The following TET3 variants were observed in gnomAD, a reference collection of about 807,000 sequenced individuals.
TET3 encodes methylcytosine dioxygenase TET3.
In TET3, 19 loss-of-function variants were observed where a neutral mutation model predicts 141.4. The observed-to-expected ratio is 0.13, with a 90% confidence interval of 0.09 to 0.20. The LOEUF is 0.20. Among genes scored for constraint, TET3 ranks in the 10% least tolerant of loss-of-function variants. The pLI, the probability that TET3 is intolerant of heterozygous loss-of-function variation, is 1.00. For missense variants in TET3, 1,874 were observed against 2,356.9 expected (o/e 0.80, Z 4.24); for synonymous variants, 1,043 against 980.9 (o/e 1.06, Z -1.18).
downstream of TET3, among the ~76,000 whole-genome samples, chr2:74,110,953 A>C (rs1253089488): frequency 6.6e-6 from 1 of 151,608 alleles, no homozygotes; most frequent in Non-Finnish European, 1.5e-5. Context: ...TCCTATCACC[A>C]CCACATATCT....
At chr2:74,129,355 G>A in the TET3 span, among the ~76,000 whole-genome samples, 13 of 140,134 alleles carry the variant, frequency 9.3e-5, 1 homozygote, top group Admixed American at 1.5e-4. Flanking sequence ...AAACCCGGCC[G>A]GGCACAGTGG....
chr2:73,997,387 A>G (rs1388666972), intron 2 of TET3, among the ~76,000 whole-genome samples: 4 of 152,138 alleles, frequency 2.6e-5, no homozygotes, highest in Non-Finnish European at 5.9e-5. Flanking sequence ...AGTTCCCTTA[A>G]TGATGCTGGG....
At chr2:74,071,084 C>T (rs114535877) in intron 4 of TET3, among the ~76,000 whole-genome samples, 4 of 152,108 alleles carry the variant, frequency 2.6e-5, no homozygotes, top group African/African-American at 4.8e-5. Flanking sequence ...TGGTGTCTGT[C>T]GAGGGCCCTC....
At chr2:74,041,576 TAAAG>T (rs995464683) in intron 3 of TET3, among the ~76,000 whole-genome samples, 2 of 152,142 alleles carry the variant, frequency 1.3e-5, no homozygotes, top group African/African-American at 4.8e-5. Flanking sequence ...CATTTAAAAA[TAAAG>T]AAGAAAGATA....
downstream of TET3, among the ~76,000 whole-genome samples, chr2:74,108,369 A>AAACGGGATCT (rs1319864820): frequency 6.6e-6 from 1 of 152,242 alleles, no homozygotes; most frequent in Non-Finnish European, 1.5e-5. Context: ...TCAGCTGTTA[A>AAACGGGATCT]AACGGGATCT....
At position 74,100,844 on chromosome 2, in the gene TET3, C is replaced by T; in HGVS notation, c.4056C>T (p.Pro1352=). 3 of 1,611,814 alleles carry T rather than the reference C, an allele frequency of 1.9e-6. No individual in the cohort carries two copies. Among genetic ancestry groups the T allele is most frequent in the Non-Finnish European group, 2.5e-6 (3 of 1,179,186 alleles). ...SQAVPTDAHH[P]TPHHQQPAYP... ...CTGTTCCCACAGACGCCCACCACCC[C>T]ACTCCTCACCACCAGCAGCCTGCGT... Residue 1352 remains proline (P), a synonymous_variant, in exon 12 of 12, where the codon CCC becomes CCT. Transcript: ENST00000409262.
In TET3 at chr2:74,102,100, T is replaced by G. The variant is rs751846434; in HGVS notation, c.5312T>G (p.Val1771Gly). The G allele has an allele frequency of 6.7e-7, 1 of 1,500,994 alleles. No homozygotes were observed. The highest frequency in any genetic ancestry group is 2.3e-5 in the East Asian group (1 of 43,160). The allele number at this position is 1,500,994 out of a possible 1,614,324, so 93.0% of individuals were successfully genotyped here. The part of the protein sequence containing the change: ...GVVPTRQALA[V>G]PTDSAVTVSS... ...GTCCCCACCCGGCAGGCACTGGCTG[T>G]GCCCACAGACTCGGCGGTCACCGTG... Residue 1771 changes from valine to glycine, a missense_variant, in exon 12 of 12, where the codon GTG becomes GGG. This residue lies in a region of TET3 where 113 missense variants were observed against 114.3 expected (regional missense o/e 0.99). Coordinates refer to ENST00000409262, the MANE Select transcript of TET3 (RefSeq NM_001287491.2).
chr2:74,100,967 C>T lies in TET3; in HGVS notation c.4179C>T (p.Asn1393=). ...TTGCCCAGAGCTCCAACTGCTACAACAGATCCATCAAGCAAGAGCCAGTAG... is the reference window on the plus strand; with the variant it reads ...TTGCCCAGAGCTCCAACTGCTACAATAGATCCATCAAGCAAGAGCCAGTAG... ...SPFAQSSNCY[N]RSIKQEPVDP... is the part of the protein sequence containing the mutation. Residue 1393 remains asparagine, a synonymous_variant, in exon 12 of 12, where the codon AAC becomes AAT. Transcript: ENST00000409262. The T allele has an allele frequency of 6.2e-7, 1 of 1,612,054 alleles. No individual in the cohort carries two copies. The highest frequency in any genetic ancestry group is 8.5e-7 in the Non-Finnish European group (1 of 1,179,156).
Position 74,107,924 on chromosome 2 carries a change from CCT to C in TET3, c.*5749_*5750del, listed in dbSNP as rs1424162100. 4 of 152,764 alleles carry C rather than the reference CCT, an allele frequency of 2.6e-5. No homozygotes were observed. The highest frequency in any genetic ancestry group is 9.7e-5 in the African/African-American group (4 of 41,388). 9.5% of individuals were successfully genotyped at this position (152,764 alleles called of 1,614,324 possible). A position where few individuals can be genotyped will look rare whatever the true frequency, so the allele number is the denominator to read the frequency against. On this transcript the variant is annotated 3_prime_UTR_variant, in exon 12 of 12. Transcript: ENST00000409262. ...ATAATTTTATTTTGTATAATTTTTA[CCT>C]TTTTGTTAATATTTTTTCCTTCCAC...
chr2:74,100,577 C>A lies in TET3; in HGVS notation c.3789C>A (p.Tyr1263Ter). 6.2e-7 allele frequency: 1 copy of A among 1,613,746 alleles called. No individual in the cohort carries two copies. The highest frequency in any genetic ancestry group is 8.5e-7 in the Non-Finnish European group (1 of 1,179,794). Reference protein sequence around the residue: ...SMNSVYSYHSYYAQPSLTSVN... With the variant: ...SMNSVYSYHS Reference sequence around the variant, plus strand: ...ACAGCGTGTACTCCTACCACTCCTACTATGCACAGCCCAGCCTGACCTCCG... The same window carrying A: ...ACAGCGTGTACTCCTACCACTCCTAATATGCACAGCCCAGCCTGACCTCCG... Residue 1263 changes from tyrosine (Y) to a stop codon, truncating the protein, a stop_gained, in exon 12 of 12, where the codon TAC becomes TAA. Transcript: ENST00000409262. LOFTEE classifies it high-confidence loss of function.
In TET3 at chr2:74,102,051, C is replaced by A; in HGVS notation, c.5263C>A (p.Gln1755Lys). The change falls in exon 12 of 12, where the codon CAG becomes AAG. Residue 1755 changes from glutamine (Q) to lysine (K), a missense_variant. This residue lies in a region of TET3 where 113 missense variants were observed against 114.3 expected (regional missense o/e 0.99). Transcript: ENST00000409262. The part of the protein sequence containing the change: ...KWGGTVVAEP[Q>K]QKEKKGVVPT... ...GGGGGGCACTGTGGTTGCTGAGCCC[C>A]AGCAGAAAGAGAAGAAGGGGGTCGT... 6.5e-7 allele frequency: 1 copy of A among 1,534,234 alleles called. No homozygotes were observed. The highest frequency in any genetic ancestry group is 8.8e-7 in the Non-Finnish European group (1 of 1,141,920).
chr2:73,990,092 C>A (rs1684247139), intron 2 of TET3, among the ~76,000 whole-genome samples: 1 of 152,130 alleles, frequency 6.6e-6, no homozygotes, highest in East Asian at 1.9e-4. Context: ...AGTCTTCGAG[C>A]TGTAAAGATG....
chr2:73,988,338 C>G (rs1684149642), intron 2 of TET3, among the ~76,000 whole-genome samples: 1 of 152,164 alleles, frequency 6.6e-6, no homozygotes, highest in Non-Finnish European at 1.5e-5. Flanking sequence ...TTCCCCAGCC[C>G]CCATTATCTT....
chr2:74,061,570 A>G (rs1434504600), intron 4 of TET3, among the ~76,000 whole-genome samples: 1 of 139,418 alleles, frequency 7.2e-6, no homozygotes, highest in African/African-American at 2.7e-5. Flanking sequence ...CACCTCCCGG[A>G]CGGGGCGGCT....
At position 74,046,683 on chromosome 2, in the gene TET3, C is replaced by T. The variant is rs773302728; in HGVS notation, c.766C>T (p.Leu256=). 2.5e-6 allele frequency: 4 copies of T among 1,614,052 alleles called. No individual in the cohort carries two copies. Among genetic ancestry groups the T allele is most frequent in the Non-Finnish European group, 3.4e-6 (4 of 1,179,896 alleles). Residue 256 remains leucine (L), a synonymous_variant, in exon 4 of 12, where the codon CTG becomes TTG. Transcript: ENST00000409262. This position sits in a 1 kb window ranked among gnomAD's most constrained non-coding sequence, Gnocchi z 4.3. ...TGCTGGCAGCGAAGACCTTGACACACTGCAGACGGCCCTGGCCCTCGCGCG... is the reference window on the plus strand; with the variant it reads ...TGCTGGCAGCGAAGACCTTGACACATTGCAGACGGCCCTGGCCCTCGCGCG... ...CSAGSEDLDT[L]QTALALARHG...
At chr2:74,075,313 C>T (rs1010395834) in intron 5 of TET3, among the ~76,000 whole-genome samples, 1 of 149,380 alleles carries the variant, frequency 6.7e-6, no homozygotes, top group African/African-American at 2.5e-5. Flanking sequence ...ACCATGAGAG[C>T]CAAATACTTT....
chr2:74,043,262 T>A (rs1687438841), intron 3 of TET3, among the ~76,000 whole-genome samples: 1 of 152,250 alleles, frequency 6.6e-6, no homozygotes, highest in South Asian at 2.1e-4. Flanking sequence ...CTGGGTGATC[T>A]GCCACATTCC....
At position 74,107,776 on chromosome 2, in the gene TET3, CTG is replaced by C. The variant is rs982393155; in HGVS notation, c.*5603_*5604del. The C allele has an allele frequency of 4.6e-5, 7 of 152,146 alleles. No homozygotes were observed. Among genetic ancestry groups the C allele is most frequent in the Admixed American group, 2.0e-4 (3 of 15,264 alleles). 9.4% of individuals were successfully genotyped at this position (152,146 alleles called of 1,614,324 possible). A position where few individuals can be genotyped will look rare whatever the true frequency, so the allele number is the denominator to read the frequency against. On this transcript the variant is annotated 3_prime_UTR_variant, in exon 12 of 12. Transcript: ENST00000409262. ...GAATATTCCGTCTTGACTTTGTAAA[CTG>C]TGGCTACTTGAAATGAAGTTTATCT...
the TET3 span, among the ~76,000 whole-genome samples, chr2:74,123,799 C>T: frequency 3.9e-5 from 6 of 152,004 alleles, no homozygotes; most frequent in Admixed American, 1.3e-4. Flanking sequence ...GCCGCCATCC[C>T]GTCTAGGAAG....
Sources: gnomAD v4.1 joint callset for allele counts (sites outside exome capture counted in the v4.1 genomes callset) on GRCh38, gnomAD v4.1.1 for gene constraint, gnomAD v4.1.1 regional missense constraint, Gnocchi (gnomAD v3.1) non-coding constraint, MANE v1.5 for transcripts, NCBI Gene and HGNC (gene_info 2026-07-23, HGNC 2026-07-21) for gene names.